RAP1GAP2: variants seen among roughly 807,000 people sequenced by gnomAD.
The protein encoded by RAP1GAP2 is rap1 GTPase-activating protein 2.
A neutral mutation model predicts 95.0 loss-of-function variants in RAP1GAP2; 27 were observed. The observed-to-expected ratio is 0.28, with a 90% CI of 0.21 to 0.39. The LOEUF (loss-of-function observed/expected upper bound fraction) is 0.39. Among genes scored for constraint, RAP1GAP2 ranks in the 10% least tolerant of loss-of-function variants. RAP1GAP2 has a pLI of 1.00. For synonymous variants in RAP1GAP2, 373 were observed against 380.9 expected, an observed-to-expected ratio of 0.98 and a Z score of 0.24; for missense variants, 771 against 970.0, an observed-to-expected ratio of 0.79 and a Z score of 2.72.
intron 1 of RAP1GAP2, among the ~76,000 whole-genome samples, chr17:2,789,294 C>T (rs2068863872): frequency 6.6e-6 from 1 of 152,054 alleles, no homozygotes; most frequent in South Asian, 2.1e-4. Context: ...GTGATCCACC[C>T]GCCTTGTCCT....
chr17:2,807,137 T>C (rs1003130690), intron 2 of RAP1GAP2, among the ~76,000 whole-genome samples: 3 of 152,242 alleles, frequency 2.0e-5, no homozygotes, highest in Non-Finnish European at 4.4e-5. Flanking sequence ...CCTCAGGTGA[T>C]CCGCCTGCCT....
intron 1 of RAP1GAP2, among the ~76,000 whole-genome samples, chr17:2,767,252 C>T (rs2068293078): frequency 6.8e-6 from 1 of 147,112 alleles, no homozygotes; most frequent in Non-Finnish European, 1.5e-5. Flanking sequence ...ATCCCAGCTG[C>T]TTGGGAGGCT....
In RAP1GAP2 at chr17:2,937,983, A is replaced by C. The variant is rs1460764229; in HGVS notation, c.166-19776A>C. On this transcript the variant is annotated intron_variant, in intron 3 of 24. Coordinates refer to ENST00000254695, the MANE Select transcript of RAP1GAP2 (RefSeq NM_015085.5). ...GTTCTGGAGCTGAAGCAAGCACAGGATAGGGCTGTGCTGGAGAGAGGAGAC... is the reference window on the plus strand; with the variant it reads ...GTTCTGGAGCTGAAGCAAGCACAGGCTAGGGCTGTGCTGGAGAGAGGAGAC... Among the ~76,000 whole-genome samples, 8 of 152,208 alleles carry C rather than the reference A, an allele frequency of 5.3e-5. No individual in the cohort carries two copies. In the East Asian group the frequency reaches 1.5e-3, roughly 29 times the overall value.
chr17:2,820,903 T>TTTTTTTGTA (rs2070270929), intron 2 of RAP1GAP2, among the ~76,000 whole-genome samples: 2 of 145,862 alleles, frequency 1.4e-5, no homozygotes, highest in African/African-American at 5.2e-5. Flanking sequence ...TTTTTTTTTT[T>TTTTTTTGTA]TTTTTTGTAT....
intron 3 of RAP1GAP2, among the ~76,000 whole-genome samples, chr17:2,956,166 A>G (rs141795883): frequency 1.3e-3 from 200 of 152,360 alleles, no homozygotes; most frequent in African/African-American, 4.1e-3. Flanking sequence ...GTGCATGTGC[A>G]CCTGAGCAAG....
rs568715998 is a variant in RAP1GAP2 at position 2,876,855 on chromosome 17, G to T, written c.81-28429G>T. Among the ~76,000 whole-genome samples, 4 of 152,040 alleles carry T rather than the reference G, an allele frequency of 2.6e-5. No individual in the cohort carries two copies. The South Asian group carries it at 8.3e-4, about 32-fold the overall frequency. On this transcript the variant is annotated intron_variant, in intron 2 of 24. Coordinates refer to ENST00000254695, the MANE Select transcript of RAP1GAP2 (RefSeq NM_015085.5). ...AGGGGAAGGGTCATCAGTTGGTTGG[G>T]GGCCTTAGAATGTTATTTTTGGTTT...
In RAP1GAP2 at chr17:2,857,325, AT is replaced by A. The variant is rs2072184012; in HGVS notation, c.81-47957del. The stretch of plus-strand genomic sequence containing the variant: ...TGCTCTCTCCAGGCCACTTGGAAAT[AT>A]TGCGTATTAGGGGACAGGGAGGTGT... On this transcript the variant is annotated intron_variant, in intron 2 of 24. Coordinates refer to ENST00000254695, the MANE Select transcript of RAP1GAP2 (RefSeq NM_015085.5). The surrounding 1 kb of genome is among the most constrained non-coding windows in gnomAD (Gnocchi z 4.0). Among the ~76,000 whole-genome samples the A allele has an allele frequency of 6.6e-6, 1 of 152,220 alleles. No homozygotes were observed. Among genetic ancestry groups the A allele is most frequent in the East Asian group, 1.9e-4 (1 of 5,182 alleles).
At chr17:2,911,801 G>A (rs1451502583) in intron 3 of RAP1GAP2, among the ~76,000 whole-genome samples, 2 of 152,150 alleles carry the variant, frequency 1.3e-5, no homozygotes, top group Non-Finnish European at 2.9e-5. Context: ...GCCCCGTGAA[G>A]TAAAGGGGTT....
At position 2,784,560 on chromosome 17, in the gene RAP1GAP2, C is replaced by T. The variant is rs1367739909; in HGVS notation, c.-14+7282C>T. Reference sequence around the variant, plus strand: ...TGCTGGGATTACAGGCGTGAGCCACCGCGCCCGGCCAGCAGTTTATTCTTT... The same window carrying T: ...TGCTGGGATTACAGGCGTGAGCCACTGCGCCCGGCCAGCAGTTTATTCTTT... On this transcript the variant is annotated intron_variant, in intron 1 of 24. Transcript: ENST00000540393. 4.6e-5 allele frequency among the ~76,000 whole-genome samples: 7 copies of T among 152,210 alleles called. No homozygotes were observed. The South Asian group carries it at 8.3e-4, about 18-fold the overall frequency.
At chr17:2,843,761 A>G (rs1339268005) in intron 2 of RAP1GAP2, among the ~76,000 whole-genome samples, 1 of 152,084 alleles carries the variant, frequency 6.6e-6, no homozygotes, top group Admixed American at 6.6e-5. Flanking sequence ...TATTGCTGAC[A>G]TGGGGCCACG....
In RAP1GAP2 at chr17:3,034,281, G is replaced by A; in HGVS notation, c.*920G>A. 5.7e-6 allele frequency: 1 copy of A among 174,198 alleles called. No individual in the cohort carries two copies. Among genetic ancestry groups the A allele is most frequent in the Non-Finnish European group, 1.3e-5 (1 of 78,154 alleles). The allele number at this position is 174,198 out of a possible 1,614,324, so 10.8% of individuals were successfully genotyped here. ...GCAAAGGAGCCAGTGCTGAGATGCT[G>A]CTGTGTTGGTTGAGGAAAACCTCGG... On this transcript the variant is annotated 3_prime_UTR_variant, in exon 25 of 25. Transcript: ENST00000254695. The surrounding 1 kb of genome is among the most constrained non-coding windows in gnomAD (Gnocchi z 5.1).
intron 18 of RAP1GAP2, among the ~76,000 whole-genome samples, 175 bp from the exon 19 acceptor site, chr17:3,020,302 G>A (rs1214969352): frequency 6.6e-6 from 1 of 152,234 alleles, no homozygotes. Flanking sequence ...GCTGTGACTG[G>A]CCTGAGTCTC....
Position 2,954,955 on chromosome 17 carries a change from C to T in RAP1GAP2, c.166-2804C>T, listed in dbSNP as rs189288575. 3.9e-5 allele frequency among the ~76,000 whole-genome samples: 6 copies of T among 152,196 alleles called. No individual in the cohort carries two copies. The East Asian group carries it at 1.2e-3, about 29-fold the overall frequency. The stretch of plus-strand genomic sequence containing the variant: ...GGGTCAGCAGTGTTGTGGCAGGTAT[C>T]AGTATATGTTATTTTTATTGGCTGA... On this transcript the variant is annotated intron_variant, in intron 3 of 24. Transcript: ENST00000254695.
intron 2 of RAP1GAP2, among the ~76,000 whole-genome samples, chr17:2,808,014 C>G (rs564244328): frequency 1.7e-4 from 26 of 152,306 alleles, no homozygotes; most frequent in Admixed American, 1.6e-3. Flanking sequence ...CCTGGCCATT[C>G]CTGTTTGGAG....
At chr17:2,975,439 A>G (rs1173418646) in intron 8 of RAP1GAP2, among the ~76,000 whole-genome samples, 2 of 152,216 alleles carry the variant, frequency 1.3e-5, no homozygotes, top group Non-Finnish European at 2.9e-5. Flanking sequence ...GGAAAGTACC[A>G]TGAACGTTGG....
chr17:3,028,901 A>G (rs1049298310), intron 22 of RAP1GAP2, among the ~76,000 whole-genome samples: 3 of 152,142 alleles, frequency 2.0e-5, no homozygotes, highest in Non-Finnish European at 4.4e-5. Context: ...CCCAGGTTCA[A>G]GTGATTCACC....
intron 2 of RAP1GAP2, among the ~76,000 whole-genome samples, chr17:2,876,001 G>A (rs1214845338): frequency 2.6e-5 from 4 of 151,182 alleles, no homozygotes; most frequent in South Asian, 2.1e-4. Flanking sequence ...GCAATGATGC[G>A]ATCTCGGCTC....
At chr17:2,777,647 G>A (rs1199863093) in intron 1 of RAP1GAP2, among the ~76,000 whole-genome samples, 2 of 152,168 alleles carry the variant, frequency 1.3e-5, no homozygotes, top group Non-Finnish European at 2.9e-5. Flanking sequence ...GGATACCCTT[G>A]CTTCCTCTCA....
chr17:2,880,025 C>T (rs376165322), intron 2 of RAP1GAP2, among the ~76,000 whole-genome samples: 4 of 151,938 alleles, frequency 2.6e-5, no homozygotes, highest in Admixed American at 6.6e-5. Context: ...CACCGTCCAG[C>T]GGGAAGGACA....
Sources: allele counts gnomAD v4.1 joint callset (sites outside exome capture counted in the v4.1 genomes callset), GRCh38; gene constraint gnomAD v4.1.1; non-coding constraint Gnocchi (gnomAD v3.1); transcripts MANE v1.5; gene names NCBI Gene and HGNC (gene_info 2026-07-23, HGNC 2026-07-21).